Variants in MAP4 observed in about 807,000 individuals in gnomAD.
The protein encoded by MAP4 is microtubule associated protein 4, also known as microtubule-associated protein 4.
MAP4 carries 76 observed loss-of-function variants against 170.2 expected under a neutral mutation model. The observed-to-expected ratio is 0.45, with a 90% CI of 0.37 to 0.54. The LOEUF (loss-of-function observed/expected upper bound fraction) is 0.54. Ranked by LOEUF, MAP4 falls within the 20% of genes least tolerant of loss-of-function variation. MAP4 has a pLI of 0.00. For synonymous variants in MAP4, 909 were observed against 994.5 expected (o/e 0.91, Z 1.62); for missense variants, 2,506 against 2,748.0 (o/e 0.91, Z 1.97).
At chr3:48,024,102 G>A (rs983207466) in intron 1 of MAP4, among the ~76,000 whole-genome samples, 1 of 152,190 alleles carries the variant, frequency 6.6e-6, no homozygotes, top group African/African-American at 2.4e-5. Flanking sequence ...ATGAGGTCAA[G>A]AGATCGAGAC....
intron 3 of MAP4, among the ~76,000 whole-genome samples, chr3:47,958,131 G>A (rs1230311668): frequency 4.6e-5 from 7 of 152,176 alleles, no homozygotes; most frequent in Non-Finnish European, 1.0e-4. Context: ...AATTGTCAAG[G>A]GGAAACGGTT....
chr3:47,960,830 G>T, intron 3 of MAP4: 1 of 184,406 alleles, frequency 5.4e-6, no homozygotes. Context: ...TCTTTCACTA[G>T]GTTTACAAAC....
At chr3:47,929,321 A>G (rs191808593) in intron 3 of MAP4, among the ~76,000 whole-genome samples, 146 of 152,270 alleles carry the variant, frequency 9.6e-4, no homozygotes, top group Admixed American at 2.4e-3. Context: ...GCGCCACTGC[A>G]CTACAGCCTG....
Position 47,871,238 on chromosome 3 carries a change from TTTGCAGTCATCTTCTTGA to T in MAP4, c.5972_5989del (p.Val1991_Lys1997delinsGlu). On this transcript the variant is annotated inframe_deletion, in exon 14 of 21. Transcript: ENST00000683076. ...GGATGGGCTATTACCTGGTACAGAC[TTTGCAGTCATCTTCTTGA>T]CTTCTGCAGGTTTTCCCTCAGTCTT... 1 of 1,614,244 alleles carries T rather than the reference TTTGCAGTCATCTTCTTGA, an allele frequency of 6.2e-7. No homozygotes were observed. The highest frequency in any genetic ancestry group is 8.5e-7 in the Non-Finnish European group (1 of 1,180,040).
rs758995276 is a variant in MAP4 at position 47,877,446 on chromosome 3, G to A, written c.5512C>T (p.Leu1838Phe). ...GTTTTCTTCTCTGGGCTTGGTGGGA[G>A]CTCCTTGTTCGGTGGGGTGGTGATG... ...NDITTPPNKE[L>F]PPSPEKKTKP... Residue 1838 changes from leucine to phenylalanine, a missense_variant, in exon 11 of 21, where the codon CTC becomes TTC. Coordinates refer to ENST00000683076, the MANE Select transcript of MAP4 (RefSeq NM_001385682.1). 4 of 1,614,098 alleles carry A rather than the reference G, an allele frequency of 2.5e-6. No individual in the cohort carries two copies. In the South Asian group the frequency reaches 4.4e-5, roughly 18 times the overall value.
At chr3:48,054,493 G>T (rs761520677) in intron 1 of MAP4, among the ~76,000 whole-genome samples, 9 of 151,586 alleles carry the variant, frequency 5.9e-5, no homozygotes, top group South Asian at 2.1e-4. Flanking sequence ...TTACAGGTGT[G>T]GTGGCGGGCG....
At position 47,891,741 on chromosome 3, in the gene MAP4, T is replaced by C; in HGVS notation, c.5434+11209A>G. 3 of 1,536,628 alleles carry C rather than the reference T, an allele frequency of 2.0e-6. No individual in the cohort carries two copies. The Admixed American group carries it at 5.9e-5, about 30-fold the overall frequency. ...GTGAACACCATAGTGATTGGCGGAATGGTGGTGGGTGAATGCTCAATAATG... is the reference window on the plus strand; with the variant it reads ...GTGAACACCATAGTGATTGGCGGAACGGTGGTGGGTGAATGCTCAATAATG... On this transcript the variant is annotated intron_variant, in intron 10 of 20. Coordinates refer to ENST00000683076, the MANE Select transcript of MAP4 (RefSeq NM_001385682.1).
chr3:47,949,291 C>G (rs1217409717), intron 3 of MAP4, among the ~76,000 whole-genome samples: 1 of 151,764 alleles, frequency 6.6e-6, no homozygotes, highest in Middle Eastern at 3.2e-3. Flanking sequence ...CATGGTGAAA[C>G]CCCGTCTCTA....
chr3:47,999,904 A>G (rs2100098216), intron 1 of MAP4, among the ~76,000 whole-genome samples: 1 of 151,992 alleles, frequency 6.6e-6, no homozygotes. Context: ...TAGAAAATAC[A>G]GAAATAATGT....
intron 12 of MAP4, among the ~76,000 whole-genome samples, chr3:47,874,058 G>A (rs1408866252): frequency 1.4e-4 from 21 of 152,190 alleles, no homozygotes; most frequent in Admixed American, 1.3e-3. Context: ...AGAGGCCACT[G>A]GCCAAATCTG....
chr3:47,883,365 C>T (rs1437409013), intron 10 of MAP4, among the ~76,000 whole-genome samples: 1 of 152,080 alleles, frequency 6.6e-6, no homozygotes, highest in African/African-American at 2.4e-5. Context: ...GCTGGGATTA[C>T]AGGTATGCGT....
At chr3:48,081,485 ATTTAC>A (rs1487571790) in intron 1 of MAP4, among the ~76,000 whole-genome samples, 28 of 152,158 alleles carry the variant, frequency 1.8e-4, no homozygotes, top group Non-Finnish European at 8.8e-5. Context: ...TGCTTTGGAA[ATTTAC>A]TTTATATGAC....
intron 9 of MAP4, among the ~76,000 whole-genome samples, chr3:47,904,431 C>T (rs1302996351): frequency 6.6e-6 from 1 of 150,984 alleles, no homozygotes; most frequent in Non-Finnish European, 1.5e-5. Flanking sequence ...TTCTCCTGAG[C>T]CTCCTGAGTA....
chr3:47,883,236 C>T (rs750035708), intron 10 of MAP4, among the ~76,000 whole-genome samples: 4 of 150,784 alleles, frequency 2.7e-5, no homozygotes, highest in Non-Finnish European at 4.4e-5. Context: ...TATTATATTC[C>T]TTTTTTTTTG....
At chr3:48,010,481 T>C (rs770382151) in intron 1 of MAP4, among the ~76,000 whole-genome samples, 8 of 152,208 alleles carry the variant, frequency 5.3e-5, no homozygotes, top group Non-Finnish European at 1.2e-4. Flanking sequence ...GTATTTGGGT[T>C]GGGGATTGGT....
chr3:47,920,218 A>C (rs1388514262), intron 5 of MAP4, among the ~76,000 whole-genome samples: 1 of 145,886 alleles, frequency 6.9e-6, no homozygotes, highest in Non-Finnish European at 1.5e-5. Context: ...TGATCTGCCC[A>C]CCTCCGTCTC....
At chr3:48,008,822 T>C (rs2100103772) in intron 1 of MAP4, among the ~76,000 whole-genome samples, 1 of 152,152 alleles carries the variant, frequency 6.6e-6, no homozygotes, top group Non-Finnish European at 1.5e-5. Context: ...CAACATGGAC[T>C]TCCACTCACC....
chr3:47,948,171 G>A (rs1052958141), intron 3 of MAP4, among the ~76,000 whole-genome samples: 2 of 147,892 alleles, frequency 1.4e-5, no homozygotes, highest in Admixed American at 6.7e-5. Flanking sequence ...CTAATTTTTT[G>A]TATTTTTAGT....
At position 47,961,449 on chromosome 3, in the gene MAP4, C is replaced by T. The variant is rs146772451; in HGVS notation, c.292+16416G>A. 7.9e-5 allele frequency among the ~76,000 whole-genome samples: 12 copies of T among 152,306 alleles called. No individual in the cohort carries two copies. The East Asian group carries it at 2.3e-3, about 29-fold the overall frequency. On this transcript the variant is annotated intron_variant, in intron 3 of 20. Coordinates refer to ENST00000683076, the MANE Select transcript of MAP4 (RefSeq NM_001385682.1). The stretch of plus-strand genomic sequence containing the variant: ...CAAGGGTGAGAGTTTCACCCTCTGA[C>T]ATAGCTGTATCTTGTTAGGTAGAAA...
Sources: gnomAD v4.1 joint callset for allele counts (sites outside exome capture counted in the v4.1 genomes callset) on GRCh38, gnomAD v4.1.1 for gene constraint, MANE v1.5 for transcripts, NCBI Gene and HGNC (gene_info 2026-07-23, HGNC 2026-07-21) for gene names.